The following MTDH variants were observed in gnomAD, a reference collection of about 807,000 sequenced individuals.
MTDH encodes the protein metadherin.
A neutral mutation model predicts 72.7 loss-of-function variants in MTDH; 34 were observed. That is an observed-to-expected ratio of 0.47 (90% CI 0.36 to 0.62). The LOEUF is 0.62. Ranked by LOEUF, MTDH falls within the 20% of genes least tolerant of loss-of-function variation. MTDH has a pLI of 0.00. For missense variants in MTDH, 677 were observed against 699.4 expected (o/e 0.97, Z 0.36); for synonymous variants, 266 against 268.9 (o/e 0.99, Z 0.10).
chr8:97,694,501 T>G (rs1330782285), intron 6 of MTDH, among the ~76,000 whole-genome samples: 1 of 152,150 alleles, frequency 6.6e-6, no homozygotes, highest in Non-Finnish European at 1.5e-5. Context: ...CTGGCCCCTC[T>G]CTTTTAAAGC....
Position 97,722,917 on chromosome 8 carries a change from A to G in MTDH, c.1560A>G (p.Pro520=), listed in dbSNP as rs1326966579. The change falls in exon 11 of 12, where the codon CCA becomes CCG. Residue 520 remains proline, a synonymous_variant. Transcript: ENST00000336273. ...KTLPPATSTE[P]SVILSKSDSD... is the part of the protein sequence containing the mutation. The stretch of plus-strand genomic sequence containing the variant: ...TTCCACCTGCTACTTCTACCGAGCC[A>G]TCTGTAATCTTATCAAAAAGTGATT... 2 of 1,613,954 alleles carry G rather than the reference A, an allele frequency of 1.2e-6. No individual in the cohort carries two copies. Among genetic ancestry groups the G allele is most frequent in the South Asian group, 2.2e-5 (2 of 91,034 alleles).
At chr8:97,648,955 ATC>A (rs1811664714) in intron 1 of MTDH, among the ~76,000 whole-genome samples, 1 of 152,228 alleles carries the variant, frequency 6.6e-6, no homozygotes, top group Non-Finnish European at 1.5e-5. Flanking sequence ...TGTTTGCCTC[ATC>A]TGGCTGTAAT....
At chr8:97,708,004 T>G (rs1260175164) in intron 8 of MTDH, among the ~76,000 whole-genome samples, 1 of 151,994 alleles carries the variant, frequency 6.6e-6, no homozygotes, top group Non-Finnish European at 1.5e-5. Flanking sequence ...AGTTTTGCTC[T>G]GTCACTCAGG....
chr8:97,666,477 C>G (rs1281191175), intron 2 of MTDH, among the ~76,000 whole-genome samples: 2 of 152,190 alleles, frequency 1.3e-5, no homozygotes, highest in East Asian at 3.8e-4. Flanking sequence ...TTCTCTAAGG[C>G]AGCAGTTTTT....
At chr8:97,646,255 A>G (rs953357937) in intron 1 of MTDH, among the ~76,000 whole-genome samples, 2 of 152,198 alleles carry the variant, frequency 1.3e-5, no homozygotes, top group African/African-American at 4.8e-5. Flanking sequence ...ATAGGCCTTC[A>G]CGTTTTGCCT....
Position 97,644,833 on chromosome 8 carries a change from C to A in MTDH, c.327C>A (p.Leu109=). Residue 109 remains leucine, a synonymous_variant, in exon 1 of 12, where the codon CTC becomes CTA. Coordinates refer to ENST00000336273, the MANE Select transcript of MTDH (RefSeq NM_178812.4). ...ACGACCTGGCCTTGCTGAAGAATCTCCGGAGCGAGGAACAGAAGAAGAAGA... is the reference window on the plus strand; with the variant it reads ...ACGACCTGGCCTTGCTGAAGAATCTACGGAGCGAGGAACAGAAGAAGAAGA... The part of the protein sequence containing the change: ...APDDLALLKN[L]RSEEQKKKNR... 1.9e-6 allele frequency: 3 copies of A among 1,578,046 alleles called. No homozygotes were observed. Among genetic ancestry groups the A allele is most frequent in the Non-Finnish European group, 2.6e-6 (3 of 1,169,202 alleles).
In MTDH at chr8:97,687,471, A is replaced by G; in HGVS notation, c.611A>G (p.Gln204Arg). The change falls in exon 4 of 12, where the codon CAG (glutamine) becomes CGG (arginine). Residue 204 changes from glutamine (Q) to arginine (R), a missense_variant. Around this residue, in one of 3 missense-constraint regions of MTDH, gnomAD observed 467 missense variants for 469.1 expected, o/e 1.00. Transcript: ENST00000336273. Reference sequence around the variant, plus strand: ...ATTAGTCACAGAGAGAAACGACAGCAGCGTAAACGTGATAAGGTGCTGACT... The same window carrying G: ...ATTAGTCACAGAGAGAAACGACAGCGGCGTAAACGTGATAAGGTGCTGACT... ...TKISHREKRQ[Q>R]RKRDKVLTDS... The G allele has an allele frequency of 1.2e-6, 2 of 1,607,366 alleles. No homozygotes were observed. The highest frequency in any genetic ancestry group is 1.7e-6 in the Non-Finnish European group (2 of 1,177,366).
chr8:97,676,539 A>G (rs1212205849), intron 2 of MTDH, among the ~76,000 whole-genome samples: 3 of 152,176 alleles, frequency 2.0e-5, no homozygotes, highest in Non-Finnish European at 4.4e-5. Context: ...CCACTCTAAT[A>G]AGTGATACCA....
chr8:97,727,420 A>AC lies in MTDH; in HGVS notation c.*2753dup, dbSNP rs1411420471. On this transcript the variant is annotated 3_prime_UTR_variant, in exon 12 of 12. Transcript: ENST00000336273. ...GAGGTTGAGGCAGAGAATCGCTTGAACCCGGGGGGTGGAGGTTGCAGTGAG... is the reference window on the plus strand; with the variant it reads ...GAGGTTGAGGCAGAGAATCGCTTGAACCCCGGGGGGTGGAGGTTGCAGTGAG... 1.4e-5 allele frequency: 2 copies of AC among 145,930 alleles called. No individual in the cohort carries two copies. The highest frequency in any genetic ancestry group is 2.6e-5 in the African/African-American group (1 of 38,758). The allele number at this position is 145,930 out of a possible 1,614,324, so 9.0% of individuals were successfully genotyped here. A position where few individuals can be genotyped will look rare whatever the true frequency, so the allele number is the denominator to read the frequency against.
intron 7 of MTDH, among the ~76,000 whole-genome samples, chr8:97,702,256 C>G (rs769393212): frequency 3.3e-5 from 5 of 152,188 alleles, no homozygotes; most frequent in Middle Eastern, 3.2e-3. Flanking sequence ...AGAACTTTTT[C>G]TTGGCACACA....
At chr8:97,654,000 A>G (rs946554082) in intron 1 of MTDH, among the ~76,000 whole-genome samples, 3 of 152,214 alleles carry the variant, frequency 2.0e-5, no homozygotes, top group Non-Finnish European at 2.9e-5. Flanking sequence ...CATCTTTGGC[A>G]TATCTTGGCC....
At chr8:97,671,319 T>C (rs2130958057) in intron 2 of MTDH, among the ~76,000 whole-genome samples, 1 of 152,234 alleles carries the variant, frequency 6.6e-6, no homozygotes, top group South Asian at 2.1e-4. Flanking sequence ...CCAAACCATA[T>C]CGTGCCTCAG....
At chr8:97,652,911 G>A (rs957832774) in intron 1 of MTDH, among the ~76,000 whole-genome samples, 3 of 152,034 alleles carry the variant, frequency 2.0e-5, no homozygotes, top group Non-Finnish European at 4.4e-5. Context: ...ACCAGGTCAG[G>A]AGATTGAGAC....
chr8:97,667,478 G>A (rs185089248), intron 2 of MTDH, among the ~76,000 whole-genome samples: 118 of 152,300 alleles, frequency 7.7e-4, no homozygotes, highest in Admixed American at 6.0e-3. Context: ...ATTGTCTTGA[G>A]GAAAAACACT....
At chr8:97,647,366 G>A (rs781043849) in intron 1 of MTDH, among the ~76,000 whole-genome samples, 6 of 152,150 alleles carry the variant, frequency 3.9e-5, no homozygotes, top group African/African-American at 1.4e-4. Context: ...ATTCAAGAAC[G>A]ACCTGGGCAA....
At chr8:97,722,775 T>G in intron 10 of MTDH, 104 bp from the exon 11 acceptor site, 1 of 1,131,216 alleles carries the variant, frequency 8.8e-7, no homozygotes, top group Non-Finnish European at 1.2e-6. Context: ...GGAAACCATA[T>G]TAGTATTGAA....
intron 6 of MTDH, 128 bp downstream of exon 6, chr8:97,691,316 A>G (rs1813598833): frequency 3.2e-6 from 2 of 634,702 alleles, no homozygotes; most frequent in East Asian, 2.8e-5. Context: ...TAATAGTAAT[A>G]ATTAACTCAT....
chr8:97,689,842 G>A (rs1813515075), intron 5 of MTDH, among the ~76,000 whole-genome samples: 1 of 150,982 alleles, frequency 6.6e-6, no homozygotes, highest in Non-Finnish European at 1.5e-5. Flanking sequence ...CGAGTAGCAG[G>A]GATTACAGGC....
chr8:97,728,460 T>G lies in MTDH; in HGVS notation c.*3790T>G, dbSNP rs767579664. The stretch of plus-strand genomic sequence containing the variant: ...ACACACAATGTTCTCTACAGAAAAC[T>G]TCTTCTATCTTATGTCATTTTAGCA... On this transcript the variant is annotated 3_prime_UTR_variant, in exon 12 of 12. Transcript: ENST00000336273. The G allele has an allele frequency of 2.6e-5, 4 of 152,172 alleles. No individual in the cohort carries two copies. Among genetic ancestry groups the G allele is most frequent in the Non-Finnish European group, 5.9e-5 (4 of 68,024 alleles). The allele number at this position is 152,172 out of a possible 1,614,324, so 9.4% of individuals were successfully genotyped here. A position where few individuals can be genotyped will look rare whatever the true frequency, so the allele number is the denominator to read the frequency against.
Sources: gnomAD v4.1 joint callset for allele counts (sites outside exome capture counted in the v4.1 genomes callset) on GRCh38, gnomAD v4.1.1 for gene constraint, gnomAD v4.1.1 regional missense constraint, MANE v1.5 for transcripts, NCBI Gene and HGNC (gene_info 2026-07-23, HGNC 2026-07-21) for gene names.